Variants in SPMAP2 observed in about 807,000 individuals in gnomAD.
SPMAP2 encodes the protein sperm microtubule associated protein 2.
chr19:369,979 G>T, the SPMAP2 span, among the ~76,000 whole-genome samples: 4 of 152,156 alleles, frequency 2.6e-5, no homozygotes, highest in Non-Finnish European at 5.9e-5. Context: ...CTTGGCTTGG[G>T]CTCAGAGGCC....
At chr19:370,866 AG>A in the SPMAP2 span, among the ~76,000 whole-genome samples, 112,663 of 152,092 alleles carry the variant, frequency 0.74, 43,731 homozygotes, top group Non-Finnish European at 0.87. Flanking sequence ...CAAAAGGTAC[AG>A]GGCGTAGAGC....
chr19:366,877 C>A, the SPMAP2 span, among the ~76,000 whole-genome samples: 6 of 152,192 alleles, frequency 3.9e-5, no homozygotes, highest in Non-Finnish European at 7.3e-5. Flanking sequence ...TTCTCTTCTA[C>A]ACCTTTTTTT....
At chr19:373,362 C>T in the SPMAP2 span, 32 of 1,049,208 alleles carry the variant, frequency 3.0e-5, no homozygotes, top group Middle Eastern at 2.7e-4. Flanking sequence ...ACAGAGGCTC[C>T]GAGGAGATGG....
At chr19:362,437 C>A in the SPMAP2 span, 1 of 1,589,504 alleles carries the variant, frequency 6.3e-7, no homozygotes, top group South Asian at 1.2e-5. Context: ...CTAGTGGGGG[C>A]AGAAGAGAAG....
chr19:367,298 C>T, the SPMAP2 span: 1 of 1,414,612 alleles, frequency 7.1e-7, no homozygotes, highest in Non-Finnish European at 9.5e-7. Flanking sequence ...GCTGAAGGAC[C>T]CCAGGAGCAA....
the SPMAP2 span, chr19:372,560 T>C: frequency 3.3e-6 from 5 of 1,505,894 alleles, no homozygotes; most frequent in Non-Finnish European, 3.7e-6. Context: ...CACAGCATCC[T>C]GTCAGGCGAG....
chr19:370,148 G>A, the SPMAP2 span, among the ~76,000 whole-genome samples: 16 of 152,246 alleles, frequency 1.1e-4, no homozygotes, highest in East Asian at 2.7e-3. Flanking sequence ...AATGCAAGAC[G>A]GCGGCCAGGA....
At chr19:367,132 T>C in the SPMAP2 span, 1 of 1,613,304 alleles carries the variant, frequency 6.2e-7, no homozygotes, top group Non-Finnish European at 8.5e-7. Flanking sequence ...GGTCCCACTC[T>C]TCCAAGAGGG....
chr19:374,545 C>G, the SPMAP2 span: 5 of 1,399,472 alleles, frequency 3.6e-6, no homozygotes, highest in Non-Finnish European at 4.8e-6. Flanking sequence ...ACCCGCCTCT[C>G]CTTTCCCTCG....
At chr19:375,327 T>G in the SPMAP2 span, among the ~76,000 whole-genome samples, 12,833 of 152,170 alleles carry the variant, frequency 0.084, 1,594 homozygotes, top group African/African-American at 0.27. Flanking sequence ...TCTCTCTGTC[T>G]GACTTGAGGC....
At chr19:364,226 A>G in the SPMAP2 span, among the ~76,000 whole-genome samples, 1 of 149,822 alleles carries the variant, frequency 6.7e-6, no homozygotes, top group Non-Finnish European at 1.5e-5. Context: ...AGTCCCAGCT[A>G]CTCAGGAGGC....
the SPMAP2 span, chr19:374,036 C>T: frequency 3.7e-6 from 6 of 1,609,250 alleles, no homozygotes; most frequent in Admixed American, 3.3e-5. Context: ...GGTCCGAGCC[C>T]CACTGCCTCT....
chr19:362,429 A>G, the SPMAP2 span: 13 of 1,596,804 alleles, frequency 8.1e-6, no homozygotes, highest in Non-Finnish European at 1.0e-5. Context: ...TTTGGGCCCT[A>G]GTGGGGGCAG....
chr19:362,794 T>TCC, the SPMAP2 span, among the ~76,000 whole-genome samples: 4 of 75,226 alleles, frequency 5.3e-5, no homozygotes, highest in Admixed American at 5.4e-4. Flanking sequence ...AAAAAAAAGC[T>TCC]CCCCCATTCA....
At chr19:375,543 G>A in the SPMAP2 span, 2 of 1,124,448 alleles carry the variant, frequency 1.8e-6, no homozygotes, top group African/African-American at 1.6e-5. Flanking sequence ...GGAGCAGCGA[G>A]CCAGGCCGGT....
chr19:374,830 C>T, the SPMAP2 span, among the ~76,000 whole-genome samples: 1 of 152,256 alleles, frequency 6.6e-6, no homozygotes, highest in Non-Finnish European at 1.5e-5. Flanking sequence ...CTCCTGCCTC[C>T]CAGAAAGCTC....
the SPMAP2 span, among the ~76,000 whole-genome samples, chr19:371,927 G>A: frequency 2.6e-4 from 39 of 152,368 alleles, no homozygotes; most frequent in African/African-American, 9.4e-4. Context: ...TGGCGGAAGT[G>A]TCCTGGCTAC....
the SPMAP2 span, among the ~76,000 whole-genome samples, chr19:364,071 T>A: frequency 1.3e-5 from 2 of 151,166 alleles, no homozygotes; most frequent in Non-Finnish European, 2.9e-5. Context: ...CGGTGGCTCA[T>A]GCCTGTAATC....
chr19:375,112 C>T, the SPMAP2 span, among the ~76,000 whole-genome samples: 10 of 152,192 alleles, frequency 6.6e-5, no homozygotes, highest in South Asian at 6.2e-4. Flanking sequence ...GGACGGGAGC[C>T]GAGTCCCAGA....
Sources: allele counts gnomAD v4.1 joint callset (sites outside exome capture counted in the v4.1 genomes callset), GRCh38; gene constraint gnomAD v4.1.1; transcripts MANE v1.5; gene names NCBI Gene and HGNC (gene_info 2026-07-23, HGNC 2026-07-21).